The following NFIA variants were observed in gnomAD, a reference collection of about 807,000 sequenced individuals.
NFIA encodes the protein nuclear factor I A, also known as nuclear factor 1 A-type.
A neutral mutation model predicts 62.8 loss-of-function variants in NFIA; 8 were observed. That is an observed-to-expected ratio of 0.13 (90% CI 0.07 to 0.23). The LOEUF (loss-of-function observed/expected upper bound fraction) is 0.23. Ranked by LOEUF, NFIA falls within the 10% of genes least tolerant of loss-of-function variation. The probability of loss-of-function intolerance (pLI) is 1.00; values close to 1 mark genes in which losing one functional copy is unlikely to be tolerated. For missense variants in NFIA, 410 were observed against 642.1 expected, an observed-to-expected ratio of 0.64 and a Z score of 3.91; for synonymous variants, 235 against 238.1, an observed-to-expected ratio of 0.99 and a Z score of 0.12.
At chr1:61,290,839 T>C (rs1317751613) in intron 3 of NFIA, among the ~76,000 whole-genome samples, 3 of 152,172 alleles carry the variant, frequency 2.0e-5, no homozygotes, top group Admixed American at 6.6e-5. Context: ...ATGCATTTTT[T>C]CCCCTTATAT....
chr1:61,381,651 A>G (rs1369156559), intron 6 of NFIA, among the ~76,000 whole-genome samples: 3 of 152,168 alleles, frequency 2.0e-5, no homozygotes, highest in Admixed American at 6.5e-5. Flanking sequence ...AAGCTTTGCT[A>G]TGTTTAAGCA....
intron 6 of NFIA, 50 bp from the exon 7 acceptor site, chr1:61,383,187 T>C: frequency 1.2e-6 from 2 of 1,605,748 alleles, no homozygotes; most frequent in Non-Finnish European, 1.7e-6. Context: ...GTTGCACAAA[T>C]CATTGTTCCA....
At chr1:61,176,337 C>T (rs893475869) in intron 2 of NFIA, among the ~76,000 whole-genome samples, 11 of 152,084 alleles carry the variant, frequency 7.2e-5, no homozygotes, top group Admixed American at 6.6e-5. Flanking sequence ...GGGGCGTAAA[C>T]GTAGTATGCA....
intron 10 of NFIA, among the ~76,000 whole-genome samples, chr1:61,451,083 T>C (rs1668035272): frequency 1.3e-5 from 2 of 152,144 alleles, no homozygotes; most frequent in African/African-American, 4.8e-5. Flanking sequence ...CTGTGAGGCG[T>C]ACGAAATGGA....
intron 2 of NFIA, among the ~76,000 whole-genome samples, chr1:61,247,805 A>C (rs1335696617): frequency 6.6e-6 from 1 of 152,172 alleles, no homozygotes; most frequent in African/African-American, 2.4e-5. Flanking sequence ...GAAAAAGGGC[A>C]TTCATCTCAG....
At chr1:61,126,037 T>G (rs1485263697) in intron 2 of NFIA, among the ~76,000 whole-genome samples, 2 of 152,168 alleles carry the variant, frequency 1.3e-5, no homozygotes, top group Non-Finnish European at 1.5e-5. Flanking sequence ...GACTTATGTA[T>G]GAGTGCAGGT....
At chr1:61,139,534 C>A (rs1008250867) in intron 2 of NFIA, among the ~76,000 whole-genome samples, 1 of 152,150 alleles carries the variant, frequency 6.6e-6, no homozygotes, top group African/African-American at 2.4e-5. Context: ...GGTAACTTTG[C>A]CGAAAGCTAG....
chr1:61,279,595 A>G (rs906620202), intron 3 of NFIA, among the ~76,000 whole-genome samples: 2 of 152,146 alleles, frequency 1.3e-5, no homozygotes, highest in Non-Finnish European at 2.9e-5. Context: ...CTCCCTAAAG[A>G]TGTCTCCAGA....
chr1:61,456,557 C>T lies in NFIA; in HGVS notation c.*1237C>T, dbSNP rs888092359. On this transcript the variant is annotated 3_prime_UTR_variant, in exon 11 of 11. Coordinates refer to ENST00000403491, the MANE Select transcript of NFIA (RefSeq NM_001134673.4). ...TACGCCAATTCTAAAAAATTTTACA[C>T]CTATCTGGCATCATAGGATTTATCA... The T allele has an allele frequency of 4.0e-5, 6 of 151,662 alleles. No homozygotes were observed. In the South Asian group the frequency reaches 8.3e-4, roughly 21 times the overall value. 9.4% of individuals were successfully genotyped at this position (151,662 alleles called of 1,614,324 possible).
chr1:61,180,050 A>G (rs1650652772), intron 2 of NFIA, among the ~76,000 whole-genome samples: 4 of 152,114 alleles, frequency 2.6e-5, no homozygotes. Context: ...CTGAATAGCT[A>G]AGAGAGCATC....
In NFIA at chr1:61,377,015, G is replaced by A. The variant is rs1244738303; in HGVS notation, c.947-6222G>A. ...GTGGATCACCTGAGGTCTGGAGTTC[G>A]AGACCAGCTTGGCCAACATGGTGAA... On this transcript the variant is annotated intron_variant, in intron 6 of 10. Transcript: ENST00000403491. Among the ~76,000 whole-genome samples, 3 of 151,868 alleles carry A rather than the reference G, an allele frequency of 2.0e-5. No individual in the cohort carries two copies. The East Asian group carries it at 5.8e-4, about 29-fold the overall frequency.
At chr1:61,281,965 T>C (rs1479446762) in intron 3 of NFIA, among the ~76,000 whole-genome samples, 1 of 152,150 alleles carries the variant, frequency 6.6e-6, no homozygotes, top group Non-Finnish European at 1.5e-5. Context: ...CACTCTTGAT[T>C]TACCTAGAGA....
At chr1:61,130,676 T>G (rs904186784) in intron 2 of NFIA, among the ~76,000 whole-genome samples, 3 of 152,028 alleles carry the variant, frequency 2.0e-5, no homozygotes, top group African/African-American at 7.2e-5. Flanking sequence ...CCTGAGTGTG[T>G]GGGGGGGCGT....
rs1009385483 is a variant in NFIA, at chr1:61,457,255, A to T, written c.*1935A>T. ...ATTTGCACGAAAACAAAAATTCCAT[A>T]TCAATGTGCCTTGCCCTGGATAGCG... On this transcript the variant is annotated 3_prime_UTR_variant, in exon 11 of 11. Coordinates refer to ENST00000403491, the MANE Select transcript of NFIA (RefSeq NM_001134673.4). The surrounding 1 kb of genome is among the most constrained non-coding windows in gnomAD (Gnocchi z 4.2). 1 of 152,184 alleles carries T rather than the reference A, an allele frequency of 6.6e-6. No homozygotes were observed. Among genetic ancestry groups the T allele is most frequent in the African/African-American group, 2.4e-5 (1 of 41,438 alleles). The allele number at this position is 152,184 out of a possible 1,614,324, so 9.4% of individuals were successfully genotyped here.
intron 3 of NFIA, among the ~76,000 whole-genome samples, chr1:61,305,140 G>C (rs1374396047): frequency 6.6e-6 from 1 of 152,104 alleles, no homozygotes; most frequent in Non-Finnish European, 1.5e-5. Flanking sequence ...AGTGTGAAAA[G>C]CAGTAACCCC....
At chr1:61,196,942 CGCGCGCGCGCTGTGTGTGTGT>C (rs1652057149) in intron 2 of NFIA, among the ~76,000 whole-genome samples, 7 of 126,012 alleles carry the variant, frequency 5.6e-5, no homozygotes, top group African/African-American at 2.2e-4. Flanking sequence ...TGTGTGTGTG[CGCGCGCGCGCTGTGTGTGTGT>C]GATGCATATG....
intron 3 of NFIA, among the ~76,000 whole-genome samples, chr1:61,322,514 G>T (rs1173020505): frequency 6.6e-6 from 1 of 152,116 alleles, no homozygotes; most frequent in East Asian, 1.9e-4. Flanking sequence ...TCATAAAAAG[G>T]GGTAGAGACA....
intron 4 of NFIA, among the ~76,000 whole-genome samples, chr1:61,334,721 G>A (rs1004569037): frequency 2.8e-4 from 43 of 151,314 alleles, no homozygotes; most frequent in African/African-American, 9.5e-4. Context: ...CCTTTTAAGC[G>A]TAAGATTGGA....
At chr1:61,126,421 G>T (rs898608492) in intron 2 of NFIA, among the ~76,000 whole-genome samples, 32 of 84,626 alleles carry the variant, frequency 3.8e-4, no homozygotes, top group African/African-American at 1.2e-3. Flanking sequence ...TACCTAGTTG[G>T]TTTTTTTTGA....
Sources: gnomAD v4.1 joint callset for allele counts (sites outside exome capture counted in the v4.1 genomes callset) on GRCh38, gnomAD v4.1.1 for gene constraint, Gnocchi (gnomAD v3.1) non-coding constraint, MANE v1.5 for transcripts, NCBI Gene and HGNC (gene_info 2026-07-23, HGNC 2026-07-21) for gene names.